Variants in ZRANB3 observed in about 807,000 individuals in gnomAD.
The protein encoded by ZRANB3 is DNA annealing helicase and endonuclease ZRANB3.
ZRANB3 carries 125 observed loss-of-function variants against 133.8 expected under a neutral mutation model. The observed-to-expected ratio is 0.93, with a 90% CI of 0.81 to 1.08. ZRANB3 has a LOEUF of 1.08. Among genes scored for constraint, ZRANB3 ranks in the 50% least tolerant of loss-of-function variants. ZRANB3 has a pLI of 0.00. For synonymous variants in ZRANB3, 387 were observed against 432.7 expected (o/e 0.89, Z 1.31); for missense variants, 1,229 against 1,275.5 (o/e 0.96, Z 0.56).
intron 2 of ZRANB3, among the ~76,000 whole-genome samples, chr2:135,468,159 C>G (rs1691080659): frequency 6.6e-6 from 1 of 152,186 alleles, no homozygotes; most frequent in Non-Finnish European, 1.5e-5. Context: ...AGTACAAGTA[C>G]TACTTGATAA....
intron 2 of ZRANB3, among the ~76,000 whole-genome samples, chr2:135,416,459 G>T (rs576509433): frequency 1.9e-4 from 29 of 151,990 alleles, no homozygotes; most frequent in African/African-American, 6.0e-4. Flanking sequence ...AAATAAAAGA[G>T]GATACAAACA....
intron 2 of ZRANB3, among the ~76,000 whole-genome samples, chr2:135,427,460 C>T (rs1689141825): frequency 6.6e-6 from 1 of 152,094 alleles, no homozygotes. Flanking sequence ...AATCCATCCA[C>T]AACAGCCACA....
chr2:135,368,321 C>T (rs968627657), intron 3 of ZRANB3, among the ~76,000 whole-genome samples: 1 of 151,790 alleles, frequency 6.6e-6, no homozygotes, highest in Non-Finnish European at 1.5e-5. Flanking sequence ...TTGCTATGTA[C>T]TAATAACTAC....
intron 3 of ZRANB3, among the ~76,000 whole-genome samples, chr2:135,353,998 T>C (rs1685324057): frequency 6.6e-6 from 1 of 151,704 alleles, no homozygotes; most frequent in Non-Finnish European, 1.5e-5. Context: ...AGTAAGGCTG[T>C]CTAAAAAAAA....
In ZRANB3 at chr2:135,313,157, C is replaced by T. The variant is rs141096953; in HGVS notation, c.966+332G>A. Among the ~76,000 whole-genome samples the T allele has an allele frequency of 3.5e-4, 53 of 151,750 alleles. No individual in the cohort carries two copies. The East Asian group carries it at 8.5e-3, about 24-fold the overall frequency. On this transcript the variant is annotated intron_variant, in intron 8 of 20. Transcript: ENST00000264159. ...AAATATATGGTTGGATACAGCATTA[C>T]TGTTTACTTTGAGTATGTCTGAATT...
chr2:135,384,876 C>T (rs533969073), intron 3 of ZRANB3, among the ~76,000 whole-genome samples: 1 of 152,240 alleles, frequency 6.6e-6, no homozygotes, highest in East Asian at 1.9e-4. Flanking sequence ...GACAAACTCA[C>T]AGCCAATATC....
At chr2:135,421,832 T>C (rs917440915) in intron 2 of ZRANB3, among the ~76,000 whole-genome samples, 5 of 152,016 alleles carry the variant, frequency 3.3e-5, no homozygotes. Context: ...GGTTAATGTC[T>C]TTCCCTTTGG....
chr2:135,376,772 A>G (rs1299264427), intron 3 of ZRANB3, among the ~76,000 whole-genome samples: 1 of 152,254 alleles, frequency 6.6e-6, no homozygotes. Context: ...AATACAAGAC[A>G]TTAAGCATTT....
intron 13 of ZRANB3, chr2:135,228,312 G>GTT (rs58948947): frequency 4.2e-3 from 635 of 150,650 alleles, no homozygotes; most frequent in South Asian, 0.016. Context: ...ACTAAGTTTT[G>GTT]TTTTTTTTTT....
chr2:135,269,176 A>T (rs1558875144), intron 10 of ZRANB3, 35 bp from the exon 11 acceptor site: 3 of 1,525,660 alleles, frequency 2.0e-6, no homozygotes, highest in Non-Finnish European at 1.8e-6. Flanking sequence ...TGAGAATGTA[A>T]CATACAGCCA....
intron 8 of ZRANB3, among the ~76,000 whole-genome samples, chr2:135,300,371 A>T (rs964820878): frequency 6.6e-5 from 10 of 152,156 alleles, no homozygotes; most frequent in South Asian, 2.1e-4. Context: ...TGAAGATTTT[A>T]AAAAAACCAT....
intron 12 of ZRANB3, among the ~76,000 whole-genome samples, chr2:135,255,830 G>T (rs937716739): frequency 1.3e-5 from 2 of 151,846 alleles, no homozygotes; most frequent in Non-Finnish European, 2.9e-5. Flanking sequence ...GCAATAGAGT[G>T]AGAGTCTGTC....
chr2:135,431,906 G>T (rs1382059698), intron 2 of ZRANB3, among the ~76,000 whole-genome samples: 2 of 152,080 alleles, frequency 1.3e-5, no homozygotes, highest in East Asian at 3.8e-4. Context: ...CATTATGAAG[G>T]TATATAACAC....
intron 8 of ZRANB3, among the ~76,000 whole-genome samples, chr2:135,300,980 C>T (rs1682398906): frequency 6.6e-6 from 1 of 152,008 alleles, no homozygotes; most frequent in Non-Finnish European, 1.5e-5. Flanking sequence ...TCTCATTGAC[C>T]TCCAGCCTAG....
At chr2:135,312,156 AT>A (rs60082476) in intron 8 of ZRANB3, among the ~76,000 whole-genome samples, 13,891 of 117,172 alleles carry the variant, frequency 0.12, 1,099 homozygotes, top group South Asian at 0.31. Context: ...ATTTTATTTT[AT>A]TTTTATTTTA....
intron 6 of ZRANB3, among the ~76,000 whole-genome samples, chr2:135,332,578 C>T (rs536337893): frequency 6.6e-6 from 1 of 152,254 alleles, no homozygotes; most frequent in African/African-American, 2.4e-5. Flanking sequence ...CTTCTTAAAA[C>T]ATGGCTTCTA....
At chr2:135,455,742 C>T (rs1026813464) in intron 2 of ZRANB3, among the ~76,000 whole-genome samples, 5 of 151,880 alleles carry the variant, frequency 3.3e-5, no homozygotes, top group Admixed American at 2.0e-4. Context: ...TAGGCGCCCA[C>T]TACCACACCC....
chr2:135,212,807 C>T (rs1694155539), intron 17 of ZRANB3, among the ~76,000 whole-genome samples: 1 of 152,160 alleles, frequency 6.6e-6, no homozygotes, highest in Non-Finnish European at 1.5e-5. Context: ...CATCAATGAA[C>T]ACAATCTTGG....
intron 2 of ZRANB3, among the ~76,000 whole-genome samples, chr2:135,426,823 C>T (rs1303291516): frequency 1.2e-3 from 89 of 74,790 alleles, no homozygotes; most frequent in Admixed American, 3.6e-3. Flanking sequence ...CAGAGAGAGA[C>T]TCTGTCTCAA....
Sources: allele counts gnomAD v4.1 joint callset (sites outside exome capture counted in the v4.1 genomes callset), GRCh38; gene constraint gnomAD v4.1.1; transcripts MANE v1.5; gene names NCBI Gene and HGNC (gene_info 2026-07-23, HGNC 2026-07-21).